Variants in GCA observed in about 807,000 individuals in gnomAD.
The protein encoded by GCA is grancalcin, EF-hand calcium-binding protein.
Under a neutral mutation model 32.6 loss-of-function variants are expected in GCA, and 30 were observed. That is an observed-to-expected ratio of 0.92 (90% CI 0.69 to 1.25). The LOEUF (loss-of-function observed/expected upper bound fraction) is 1.25, where lower values mean the gene tolerates loss of function less well. GCA is among the 50% of genes most tolerant of loss of function. The pLI, the probability that GCA is intolerant of heterozygous loss-of-function variation, is 0.00. For synonymous variants in GCA, 102 were observed against 84.6 expected, an observed-to-expected ratio of 1.21 and a Z score of -1.13; for missense variants, 291 against 266.8, an observed-to-expected ratio of 1.09 and a Z score of -0.63.
chr2:162,326,595 T>C (rs1304037235), intron 1 of GCA, among the ~76,000 whole-genome samples: 3 of 152,166 alleles, frequency 2.0e-5, no homozygotes, highest in African/African-American at 4.8e-5. Flanking sequence ...TGGTTCACTG[T>C]AGTCTCCGCC....
At chr2:162,327,970 C>T (rs1183280515) in intron 1 of GCA, among the ~76,000 whole-genome samples, 1 of 152,230 alleles carries the variant, frequency 6.6e-6, no homozygotes, top group African/African-American at 2.4e-5. Context: ...TCACAGCCCT[C>T]GCTGGCTCTT....
intron 7 of GCA, among the ~76,000 whole-genome samples, 165 bp from the exon 8 acceptor site, chr2:162,360,052 G>A (rs921746440): frequency 2.1e-4 from 31 of 151,198 alleles, no homozygotes; most frequent in African/African-American, 7.3e-4. Flanking sequence ...TATATTTACT[G>A]ATGGAAGTTA....
At chr2:162,369,102 C>T (rs1242243137) in intron 4 of GCA, among the ~76,000 whole-genome samples, 1 of 152,080 alleles carries the variant, frequency 6.6e-6, no homozygotes, top group African/African-American at 2.4e-5. Flanking sequence ...GCATTTGCTA[C>T]ACTGCCATTA....
At chr2:162,373,949 A>G (rs567975047), downstream of GCA, among the ~76,000 whole-genome samples, 3 of 152,332 alleles carry the variant, frequency 2.0e-5, no homozygotes, top group Non-Finnish European at 4.4e-5. Flanking sequence ...TTCAAAATGT[A>G]AAACACACTG....
chr2:162,372,218 A>G (rs1181791281), downstream of GCA: 4 of 776,092 alleles, frequency 5.2e-6, no homozygotes, highest in East Asian at 1.1e-4. Context: ...TAGTGATATT[A>G]GCCAACATTT....
At chr2:162,356,385 T>C in intron 3 of GCA, 53 bp from the exon 4 acceptor site, 1 of 983,522 alleles carries the variant, frequency 1.0e-6, no homozygotes, top group Non-Finnish European at 1.6e-6. Context: ...GTCATAATTT[T>C]ACATAGATAA....
rs1474334587 is a variant in GCA, at chr2:162,325,008, C to A, written c.-31+5783C>A. Among the ~76,000 whole-genome samples the A allele has an allele frequency of 2.0e-5, 3 of 151,374 alleles. No homozygotes were observed. The South Asian group carries it at 6.3e-4, about 32-fold the overall frequency. ...TTCTAGGCATGGGAGAAAAAAAAAA[C>A]AAGTTCTATAAGGTTAAGTATGCAT... On this transcript the variant is annotated intron_variant, in intron 1 of 4. Coordinates refer to the GCA transcript ENST00000429691.
In GCA at chr2:162,336,715, A is replaced by G. The variant is rs148132462; in HGVS notation, c.-30-10863A>G. Among the ~76,000 whole-genome samples the G allele has an allele frequency of 5.1e-3, 772 of 152,324 alleles. 6 individuals carry two copies. Among genetic ancestry groups the G allele is most frequent in the Non-Finnish European group, 8.2e-3 (557 of 68,024 alleles). ...ATTTGGATTTAATTAAGTATCAATT[A>G]ATCATTCAGTATAATTACTCTATAA... On this transcript the variant is annotated intron_variant, in intron 1 of 4. Transcript: ENST00000429691.
At chr2:162,329,853 G>A (rs1684014260) in intron 1 of GCA, among the ~76,000 whole-genome samples, 1 of 151,906 alleles carries the variant, frequency 6.6e-6, no homozygotes, top group Non-Finnish European at 1.5e-5. Context: ...CTATCCAGTA[G>A]GCCACAGCGT....
chr2:162,347,863 A>G (rs910351515), intron 2 of GCA, 121 bp downstream of exon 2: 3 of 511,960 alleles, frequency 5.9e-6, no homozygotes, highest in South Asian at 1.3e-4. Context: ...TATCTAGACT[A>G]ATTTTTTTCC....
chr2:162,335,309 G>A (rs1411438950), intron 1 of GCA, among the ~76,000 whole-genome samples: 2 of 151,946 alleles, frequency 1.3e-5, no homozygotes, highest in Non-Finnish European at 2.9e-5. Context: ...CAGCTACTGG[G>A]GAGGCTGAGG....
intron 2 of GCA, among the ~76,000 whole-genome samples, chr2:162,348,051 TACTAGTC>T (rs1007859727): frequency 6.6e-6 from 1 of 152,182 alleles, no homozygotes; most frequent in Non-Finnish European, 1.5e-5. Context: ...GGGCTCCTCT[TACTAGTC>T]ACTAAACACC....
intron 1 of GCA, among the ~76,000 whole-genome samples, chr2:162,333,189 C>T (rs1274445908): frequency 1.3e-5 from 2 of 151,920 alleles, no homozygotes; most frequent in Non-Finnish European, 2.9e-5. Flanking sequence ...ACCTGTATAC[C>T]ATTTTGTTGA....
Position 162,361,977 on chromosome 2 carries a change from G to A in GCA, c.*1734G>A. 1.0e-6 allele frequency: 1 copy of A among 983,470 alleles called. No homozygotes were observed. Among genetic ancestry groups the A allele is most frequent in the Non-Finnish European group, 1.2e-6 (1 of 828,350 alleles). The allele number at this position is 983,470 out of a possible 1,614,324, so 60.9% of individuals were successfully genotyped here. A position where few individuals can be genotyped will look rare whatever the true frequency, so the allele number is the denominator to read the frequency against. ...TCTTACTTGGAGGCTCACAGTTGAG[G>A]TAAAACTTTTAAAATGACAAATGGT... On this transcript the variant is annotated 3_prime_UTR_variant, in exon 8 of 8. Transcript: ENST00000437150.
chr2:162,345,738 C>G (rs1684671580), intron 1 of GCA, among the ~76,000 whole-genome samples: 1 of 152,066 alleles, frequency 6.6e-6, no homozygotes, highest in Non-Finnish European at 1.5e-5. Context: ...ATTAGAGGCA[C>G]TGATTTTAAA....
At chr2:162,373,876 ATTAAGAG>A (rs1252075306), downstream of GCA, among the ~76,000 whole-genome samples, 1 of 152,206 alleles carries the variant, frequency 6.6e-6, no homozygotes. Flanking sequence ...TCCTGTTCAT[ATTAAGAG>A]TTAACAGAAA....
In GCA at chr2:162,336,764, G is replaced by A. The variant is rs141946098; in HGVS notation, c.-30-10814G>A. 2.6e-5 allele frequency among the ~76,000 whole-genome samples: 4 copies of A among 152,132 alleles called. No individual in the cohort carries two copies. The East Asian group carries it at 7.7e-4, about 29-fold the overall frequency. On this transcript the variant is annotated intron_variant, in intron 1 of 4. Coordinates refer to the GCA transcript ENST00000429691. ...AAATATGTACTTTACAATTTATCTG[G>A]ATTTTTGGTTTACCTTACAGAACAA...
intron 1 of GCA, among the ~76,000 whole-genome samples, chr2:162,320,869 G>A (rs550882756): frequency 6.6e-6 from 1 of 152,236 alleles, no homozygotes; most frequent in South Asian, 2.1e-4. Context: ...ATGCCCTGAA[G>A]ACCATAGTAA....
downstream of GCA, among the ~76,000 whole-genome samples, chr2:162,365,130 G>C (rs1685710647): frequency 6.6e-6 from 1 of 151,304 alleles, no homozygotes; most frequent in African/African-American, 2.4e-5. Context: ...TCTAGTAAAA[G>C]TATCCTACTT....
Sources: allele counts gnomAD v4.1 joint callset (sites outside exome capture counted in the v4.1 genomes callset), GRCh38; gene constraint gnomAD v4.1.1; transcripts MANE v1.5; gene names NCBI Gene and HGNC (gene_info 2026-07-23, HGNC 2026-07-21).